PHACTR1: variants seen among roughly 807,000 people sequenced by gnomAD.
The protein encoded by PHACTR1 is RPEL repeat containing 1.
PHACTR1 carries 16 observed loss-of-function variants against 69.2 expected under a neutral mutation model. The ratio of observed to expected loss-of-function variants is 0.23; its 90% CI spans 0.16 to 0.35. PHACTR1 has a LOEUF of 0.35. PHACTR1 is among the 10% of genes least tolerant of loss of function. The probability of loss-of-function intolerance (pLI) is 1.00; values close to 1 mark genes in which losing one functional copy is unlikely to be tolerated. For missense variants in PHACTR1, 510 were observed against 734.7 expected, an observed-to-expected ratio of 0.69 and a Z score of 3.54; for synonymous variants, 312 against 284.5, an observed-to-expected ratio of 1.10 and a Z score of -0.97.
intron 4 of PHACTR1, among the ~76,000 whole-genome samples, chr6:12,837,831 A>C (rs1194828439): frequency 6.6e-6 from 1 of 152,274 alleles, no homozygotes; most frequent in Non-Finnish European, 1.5e-5. Flanking sequence ...CCAGTGCTGC[A>C]CAGCAATGTG....
chr6:13,216,721 G>A (rs994403330), intron 8 of PHACTR1, among the ~76,000 whole-genome samples: 2 of 151,986 alleles, frequency 1.3e-5, no homozygotes, highest in African/African-American at 4.8e-5. Context: ...TTGCCTACAC[G>A]TACATGTTGT....
intron 4 of PHACTR1, among the ~76,000 whole-genome samples, chr6:12,939,039 A>G (rs1241801560): frequency 6.6e-6 from 1 of 152,222 alleles, no homozygotes; most frequent in Non-Finnish European, 1.5e-5. Context: ...TCTTGGTATC[A>G]AGCCCATACT....
intron 4 of PHACTR1, among the ~76,000 whole-genome samples, chr6:13,035,406 ATTCCAGAAAAG>A (rs1803157758): frequency 7.0e-6 from 1 of 143,316 alleles, no homozygotes; most frequent in South Asian, 2.4e-4. Context: ...AAATATAAAT[ATTCCAGAAAAG>A]TTCTATATGA....
chr6:12,758,606 G>A (rs114253633), intron 4 of PHACTR1, among the ~76,000 whole-genome samples: 5 of 151,954 alleles, frequency 3.3e-5, no homozygotes, highest in African/African-American at 1.2e-4. Flanking sequence ...AAATCACAGA[G>A]AAGTTACATG....
intron 4 of PHACTR1, among the ~76,000 whole-genome samples, chr6:12,896,749 G>C (rs983698587): frequency 2.6e-5 from 4 of 152,142 alleles, no homozygotes; most frequent in Non-Finnish European, 5.9e-5. Flanking sequence ...GTGAATTGAC[G>C]GTTCGTTATA....
rs150601285 is a variant in PHACTR1, at chr6:12,879,241, G to A, written c.250+129451G>A. Among the ~76,000 whole-genome samples, 427 of 152,294 alleles carry A rather than the reference G, an allele frequency of 2.8e-3. 2 individuals carry two copies. The highest frequency in any genetic ancestry group is 4.6e-3 in the Non-Finnish European group (315 of 68,024). ...GAGACAGTGGTGCAGACGGGGAAAG[G>A]ATAGACCTGAGAGAAGAGTAATCTC... On this transcript the variant is annotated intron_variant, in intron 4 of 14. Coordinates refer to ENST00000332995, the MANE Select transcript of PHACTR1 (RefSeq NM_030948.6).
chr6:13,253,033 A>G, intron 10 of PHACTR1: 2 of 455,234 alleles, frequency 4.4e-6, no homozygotes, highest in South Asian at 3.1e-5. Flanking sequence ...TTTGGGAGAC[A>G]GCTGGAAGGA....
chr6:13,139,705 A>G (rs917614884), intron 5 of PHACTR1, among the ~76,000 whole-genome samples: 1 of 152,210 alleles, frequency 6.6e-6, no homozygotes, highest in Non-Finnish European at 1.5e-5. Context: ...ATCACACACA[A>G]CAGAGGAAGA....
chr6:13,208,332 T>G (rs971384258), intron 8 of PHACTR1, among the ~76,000 whole-genome samples: 1 of 152,202 alleles, frequency 6.6e-6, no homozygotes. Context: ...TTAGATACTC[T>G]TACAGCAATA....
chr6:13,178,795 T>A (rs1761763968), intron 6 of PHACTR1, among the ~76,000 whole-genome samples: 1 of 152,228 alleles, frequency 6.6e-6, no homozygotes, highest in African/African-American at 2.4e-5. Context: ...GAACACTGTC[T>A]CATCCACACT....
rs572595798 is a variant in PHACTR1, at chr6:13,133,812, G to C, written c.416-26392G>C. Among the ~76,000 whole-genome samples the C allele has an allele frequency of 2.5e-3, 378 of 151,580 alleles. 1 individual carries two copies. The highest frequency in any genetic ancestry group is 4.1e-3 in the Non-Finnish European group (277 of 67,870). On this transcript the variant is annotated intron_variant, in intron 5 of 14. Coordinates refer to ENST00000332995, the MANE Select transcript of PHACTR1 (RefSeq NM_030948.6). ...GGCCGCCCAGTCTGGGAAGTGAGGA[G>C]CGTCTCTGCCCAGCCGCCATCCCAT...
intron 4 of PHACTR1, among the ~76,000 whole-genome samples, chr6:12,814,609 G>A (rs1775381100): frequency 6.6e-6 from 1 of 151,952 alleles, no homozygotes; most frequent in Admixed American, 6.6e-5. Flanking sequence ...TTGACCACAG[G>A]ACTTGCTAAG....
chr6:13,074,118 G>A (rs1355136657), intron 5 of PHACTR1, among the ~76,000 whole-genome samples: 1 of 152,042 alleles, frequency 6.6e-6, no homozygotes, highest in Non-Finnish European at 1.5e-5. Context: ...TGATCCACCC[G>A]CCTTGGCCTT....
chr6:13,238,366 T>G (rs891954025), intron 10 of PHACTR1, among the ~76,000 whole-genome samples: 10 of 152,324 alleles, frequency 6.6e-5, no homozygotes, highest in Admixed American at 6.5e-4. Context: ...ACTTAGTGAA[T>G]GAGATAGTGA....
intron 12 of PHACTR1, 75 bp downstream of exon 12, chr6:13,278,404 C>T: frequency 3.6e-6 from 5 of 1,372,664 alleles, no homozygotes; most frequent in Non-Finnish European, 5.1e-6. Context: ...CTCTGCTGGC[C>T]TCAGTGGCCT....
intron 5 of PHACTR1, among the ~76,000 whole-genome samples, chr6:13,143,588 A>G (rs1158647601): frequency 6.6e-6 from 1 of 152,198 alleles, no homozygotes; most frequent in African/African-American, 2.4e-5. Context: ...CAATTGTGGA[A>G]ATTTGCATTT....
chr6:12,830,796 A>C (rs937444778), intron 4 of PHACTR1, among the ~76,000 whole-genome samples: 1 of 151,474 alleles, frequency 6.6e-6, no homozygotes. Context: ...GGGTTTCATC[A>C]TGTTGGCCAG....
At chr6:12,730,486 A>G (rs894022037) in intron 3 of PHACTR1, among the ~76,000 whole-genome samples, 2 of 148,822 alleles carry the variant, frequency 1.3e-5, no homozygotes, top group African/African-American at 4.8e-5. Context: ...TTAAAAAAAA[A>G]AAAAACCTCA....
chr6:13,107,941 T>G (rs1390215820), intron 5 of PHACTR1, among the ~76,000 whole-genome samples: 1 of 152,108 alleles, frequency 6.6e-6, no homozygotes, highest in South Asian at 2.1e-4. Context: ...GAATTCAATT[T>G]GATTTCGCTT....
Sources: gnomAD v4.1 joint callset for allele counts (sites outside exome capture counted in the v4.1 genomes callset) on GRCh38, gnomAD v4.1.1 for gene constraint, MANE v1.5 for transcripts, NCBI Gene and HGNC (gene_info 2026-07-23, HGNC 2026-07-21) for gene names.